Variants in MYRF observed in about 807,000 individuals in gnomAD.
MYRF encodes the protein myelin gene regulatory factor.
MYRF carries 16 observed loss-of-function variants against 126.3 expected under a neutral mutation model. That is an observed-to-expected ratio of 0.13 (90% CI 0.09 to 0.19). The LOEUF (loss-of-function observed/expected upper bound fraction) is 0.19. MYRF is among the 10% of genes least tolerant of loss of function. The pLI is 1.00. For synonymous variants in MYRF, 608 were observed against 635.3 expected, an observed-to-expected ratio of 0.96 and a Z score of 0.65; for missense variants, 1,104 against 1,547.0, an observed-to-expected ratio of 0.71 and a Z score of 4.80.
At position 61,766,022 on chromosome 11, in the gene MYRF, C is replaced by T; in HGVS notation, c.199C>T (p.Pro67Ser). Residue 67 changes from proline (P) to serine (S), a missense_variant, in exon 3 of 27, where the codon CCT becomes TCT. Around this residue, in one of 10 missense-constraint regions of MYRF, gnomAD observed 368 missense variants for 403.9 expected, o/e 0.91. Coordinates refer to ENST00000278836, the MANE Select transcript of MYRF (RefSeq NM_001127392.3). ...ASYSHGQPAM[P>S]GSSGVHHLSP... ...CTACTCCCACGGGCAGCCTGCGATG[C>T]CTGGCTCCAGCGGGGTCCACCACCT... is the stretch of plus-strand genomic sequence containing the variant. 1 of 1,588,972 alleles carries T rather than the reference C, an allele frequency of 6.3e-7. No individual in the cohort carries two copies.
intron 1 of MYRF, among the ~76,000 whole-genome samples, chr11:61,756,567 T>C (rs2065763258): frequency 6.8e-6 from 1 of 147,656 alleles, no homozygotes; most frequent in Non-Finnish European, 1.5e-5. Flanking sequence ...GAGGAAATGG[T>C]AGTAGGGGGT....
At chr11:61,773,361 T>C (rs1426820982) in intron 7 of MYRF, among the ~76,000 whole-genome samples, 4 of 152,130 alleles carry the variant, frequency 2.6e-5, no homozygotes, top group African/African-American at 9.7e-5. Flanking sequence ...CAGCAACAGA[T>C]GGGCAAACTG....
intron 4 of MYRF, among the ~76,000 whole-genome samples, chr11:61,769,991 C>T (rs2066165733): frequency 6.6e-6 from 1 of 151,954 alleles, no homozygotes; most frequent in African/African-American, 2.4e-5. Context: ...GTTGGATTCT[C>T]CTGGTCCAGC....
At position 61,757,538 on chromosome 11, in the gene MYRF, G is replaced by A; in HGVS notation, c.46+4748G>A. 2.2e-6 allele frequency: 1 copy of A among 456,508 alleles called. No homozygotes were observed. The highest frequency in any genetic ancestry group is 4.4e-6 in the Non-Finnish European group (1 of 226,906). 28.3% of individuals were successfully genotyped at this position (456,508 alleles called of 1,614,324 possible). A position where few individuals can be genotyped will look rare whatever the true frequency, so the allele number is the denominator to read the frequency against. On this transcript the variant is annotated intron_variant, in intron 1 of 26. Coordinates refer to ENST00000278836, the MANE Select transcript of MYRF (RefSeq NM_001127392.3). This position sits in a 1 kb window ranked among gnomAD's most constrained non-coding sequence, Gnocchi z 4.7. ...TAGGTCAGTGCCCCTAAGCTTAGGGGGCTTGTTGAGCATGTTCTGTGGTTC... is the reference window on the plus strand; with the variant it reads ...TAGGTCAGTGCCCCTAAGCTTAGGGAGCTTGTTGAGCATGTTCTGTGGTTC...
rs1397797030 is a variant in MYRF at position 61,776,007 on chromosome 11, C to T, written c.1312-49C>T. ...GCTGAGAGGGGGCAGGAGGGCAGGA[C>T]CAGCCGGGTAGCCCCATCCTGAGGT... On this transcript the variant is annotated intron_variant, in intron 8 of 26. Transcript: ENST00000278836. The surrounding 1 kb of genome is among the most constrained non-coding windows in gnomAD (Gnocchi z 4.3). 6.3e-7 allele frequency: 1 copy of T among 1,587,566 alleles called. No homozygotes were observed. The highest frequency in any genetic ancestry group is 1.7e-5 in the Admixed American group (1 of 59,918).
Position 61,765,508 on chromosome 11 carries a change from G to T in MYRF, c.47-117G>T, listed in dbSNP as rs112409424. ...CCCACATGGATACCTGGGTGGGAAG[G>T]AGCAGGGGCATCTGTTTTGGAGGGC... is the stretch of plus-strand genomic sequence containing the variant. On this transcript the variant is annotated intron_variant, in intron 1 of 26. Coordinates refer to ENST00000278836, the MANE Select transcript of MYRF (RefSeq NM_001127392.3). 4.0e-4 allele frequency: 296 copies of T among 745,002 alleles called. 2 individuals carry two copies. In the African/African-American group the frequency reaches 4.6e-3, roughly 12 times the overall value. 46.1% of individuals were successfully genotyped at this position (745,002 alleles called of 1,614,324 possible).
chr11:61,773,843 T>C (rs1285831857), intron 7 of MYRF, 124 bp from the exon 8 acceptor site: 12 of 736,070 alleles, frequency 1.6e-5, no homozygotes, highest in Non-Finnish European at 2.2e-5. Flanking sequence ...GGCAGCCGCA[T>C]TGGTGGTTTG....
chr11:61,780,051 G>A, intron 17 of MYRF, 121 bp downstream of exon 17: 1 of 1,221,752 alleles, frequency 8.2e-7, no homozygotes, highest in Non-Finnish European at 1.2e-6. Context: ...AGATCAGGCA[G>A]CTGAGGTCTC....
chr11:61,781,377 G>A, intron 21 of MYRF, 48 bp downstream of exon 21: 4 of 1,602,104 alleles, frequency 2.5e-6, no homozygotes, highest in South Asian at 2.2e-5. Context: ...TACCTGCGTA[G>A]AGAGAAAGGC....
At chr11:61,773,151 G>A (rs987365069) in intron 7 of MYRF, among the ~76,000 whole-genome samples, 94 of 151,950 alleles carry the variant, frequency 6.2e-4, no homozygotes, top group African/African-American at 2.1e-3. Flanking sequence ...GACTACAGGC[G>A]GCTGATTTTT....
At chr11:61,781,361 G>T (rs766037355) in intron 21 of MYRF, 32 bp downstream of exon 21, 1 of 1,609,110 alleles carries the variant, frequency 6.2e-7, no homozygotes, top group Non-Finnish European at 8.5e-7. Context: ...GGCTTGGGGC[G>T]GGGGCTACCT....
Position 61,776,460 on chromosome 11 carries a change from G to C in MYRF, c.1499+28G>C. ...GAGCAGGTGGGGGCCCTGCCCCGGA[G>C]CCCCTCCATTTCTGAGGCAGGAAGA... On this transcript the variant is annotated intron_variant, in intron 10 of 26. Transcript: ENST00000278836. This position sits in a 1 kb window ranked among gnomAD's most constrained non-coding sequence, Gnocchi z 4.3. The C allele has an allele frequency of 2.5e-6, 4 of 1,585,774 alleles. No homozygotes were observed. Among genetic ancestry groups the C allele is most frequent in the Non-Finnish European group, 3.4e-6 (4 of 1,161,426 alleles).
chr11:61,752,822 T>G lies in MYRF; in HGVS notation c.46+32T>G. 3 of 1,482,394 alleles carry G rather than the reference T, an allele frequency of 2.0e-6. No homozygotes were observed. In the South Asian group the frequency reaches 3.9e-5, roughly 19 times the overall value. 91.8% of individuals were successfully genotyped at this position (1,482,394 alleles called of 1,614,324 possible). A position where few individuals can be genotyped will look rare whatever the true frequency, so the allele number is the denominator to read the frequency against. On this transcript the variant is annotated intron_variant, in intron 1 of 26. Coordinates refer to ENST00000278836, the MANE Select transcript of MYRF (RefSeq NM_001127392.3). ...GACCGCGGGCTGGCGGCGGCGACCC[T>G]CTGGCGCTGGGAACCCCCGGCTGAT...
At chr11:61,755,783 C>T (rs1169785036) in intron 1 of MYRF, 3 of 546,798 alleles carry the variant, frequency 5.5e-6, no homozygotes, top group East Asian at 4.5e-5. Context: ...ACATGAGGCT[C>T]GAGTGAGCAA....
chr11:61,777,907 C>A lies in MYRF; in HGVS notation c.1903+62C>A. ...CCCAGAAACCTCGGGCCTCAGTGAC[C>A]TTGCCCCCTGTCACCTGGAAATCCT... On this transcript the variant is annotated intron_variant, in intron 13 of 26. Transcript: ENST00000278836. This position sits in a 1 kb window ranked among gnomAD's most constrained non-coding sequence, Gnocchi z 8.8. 2.3e-6 allele frequency: 3 copies of A among 1,324,984 alleles called. No individual in the cohort carries two copies. Among genetic ancestry groups the A allele is most frequent in the Non-Finnish European group, 2.1e-6 (2 of 947,988 alleles). 82.1% of individuals were successfully genotyped at this position (1,324,984 alleles called of 1,614,324 possible).
rs1278818215 is a variant in MYRF, at chr11:61,757,187, T to G, written c.46+4397T>G. ...GGGCCTCCTCTCCTATCTCCAGGCC[T>G]TCAGCCCCGGCTGCCACGGGGTGTG... On this transcript the variant is annotated intron_variant, in intron 1 of 26. Coordinates refer to ENST00000278836, the MANE Select transcript of MYRF (RefSeq NM_001127392.3). The surrounding 1 kb of genome is among the most constrained non-coding windows in gnomAD (Gnocchi z 4.7). The G allele has an allele frequency of 2.2e-6, 1 of 456,768 alleles. No homozygotes were observed. Among genetic ancestry groups the G allele is most frequent in the Non-Finnish European group, 4.4e-6 (1 of 226,976 alleles). 28.3% of individuals were successfully genotyped at this position (456,768 alleles called of 1,614,324 possible).
At chr11:61,785,945 G>C in intron 26 of MYRF, 71 bp downstream of exon 26, 1 of 1,573,384 alleles carries the variant, frequency 6.4e-7, no homozygotes, top group East Asian at 2.2e-5. Context: ...TTGAGGAATG[G>C]GGGGTTTGCA....
intron 5 of MYRF, 149 bp from the exon 6 acceptor site, chr11:61,771,351 C>A: frequency 9.2e-7 from 1 of 1,091,274 alleles, no homozygotes; most frequent in Non-Finnish European, 1.3e-6. Context: ...TAGGAGGAGG[C>A]AAAGCCTGAG....
In MYRF at chr11:61,784,602, C is replaced by A. The variant is rs1024378084; in HGVS notation, c.3300+217C>A. On this transcript the variant is annotated intron_variant, in intron 25 of 26. Transcript: ENST00000278836. The stretch of plus-strand genomic sequence containing the variant: ...TCTGCTGAGCATCTCCCAGCCCTGC[C>A]GTGCTGGAGACGTGGGGAAGACAGC... 5.4e-6 allele frequency: 3 copies of A among 551,448 alleles called. No homozygotes were observed. The African/African-American group carries it at 5.7e-5, about 10-fold the overall frequency. The allele number at this position is 551,448 out of a possible 1,614,324, so 34.2% of individuals were successfully genotyped here.
Sources: allele counts gnomAD v4.1 joint callset (sites outside exome capture counted in the v4.1 genomes callset), GRCh38; gene constraint gnomAD v4.1.1; regional missense constraint gnomAD v4.1.1; non-coding constraint Gnocchi (gnomAD v3.1); transcripts MANE v1.5; gene names NCBI Gene and HGNC (gene_info 2026-07-23, HGNC 2026-07-21).